The following NUP88 variants were observed in gnomAD, a reference collection of about 807,000 sequenced individuals.
NUP88 encodes the protein nucleoporin 88.
A neutral mutation model predicts 93.9 loss-of-function variants in NUP88; 57 were observed. The ratio of observed to expected loss-of-function variants is 0.61; its 90% confidence interval spans 0.49 to 0.76. The LOEUF (loss-of-function observed/expected upper bound fraction) is 0.76, where lower values mean the gene tolerates loss of function less well. Among genes scored for constraint, NUP88 ranks in the 30% least tolerant of loss-of-function variants. NUP88 has a pLI of 0.00. For synonymous variants in NUP88, 346 were observed against 336.8 expected, an observed-to-expected ratio of 1.03 and a Z score of -0.30; for missense variants, 911 against 901.0, an observed-to-expected ratio of 1.01 and a Z score of -0.14.
chr17:5,389,370 C>G (rs1912262612), intron 10 of NUP88, among the ~76,000 whole-genome samples: 1 of 152,224 alleles, frequency 6.6e-6, no homozygotes, highest in Non-Finnish European at 1.5e-5. Flanking sequence ...TATATAATTT[C>G]ATTTCTAAAA....
rs1052464370 is a variant in NUP88 at position 5,400,143 on chromosome 17, A to G, written c.1193-493T>C. On this transcript the variant is annotated intron_variant, in intron 7 of 16. Coordinates refer to ENST00000573584, the MANE Select transcript of NUP88 (RefSeq NM_002532.6). ...GGTTGCCACATCTTTCATTTGTTAA[A>G]AAAAAAAAAAAAAAGCACTGTGAAC... is the stretch of plus-strand genomic sequence containing the variant. Among the ~76,000 whole-genome samples the G allele has an allele frequency of 7.4e-5, 11 of 148,314 alleles. 1 individual carries two copies. The highest frequency in any genetic ancestry group is 2.2e-4 in the African/African-American group (9 of 40,434).
intron 16 of NUP88, 30 bp downstream of exon 16, chr17:5,386,678 G>C: frequency 1.4e-6 from 2 of 1,381,444 alleles, no homozygotes; most frequent in Non-Finnish European, 2.1e-6. Context: ...ACTATCTCAC[G>C]ATAATAGCTG....
intron 8 of NUP88, among the ~76,000 whole-genome samples, chr17:5,395,878 C>A (rs1376878924): frequency 1.3e-5 from 2 of 152,050 alleles, no homozygotes; most frequent in African/African-American, 4.8e-5. Context: ...TAAAGTATAC[C>A]CATTAAAGTA....
At position 5,388,789 on chromosome 17, in the gene NUP88, C is replaced by T; in HGVS notation, c.1643+13G>A. ...AACCCATTCATAAAACCGCTATGCC[C>T]AAGGTTGCATACTTCAAAAATGCTG... On this transcript the variant is annotated intron_variant, in intron 11 of 16. Transcript: ENST00000573584. 1 of 1,609,792 alleles carries T rather than the reference C, an allele frequency of 6.2e-7. No homozygotes were observed. Among genetic ancestry groups the T allele is most frequent in the Non-Finnish European group, 8.5e-7 (1 of 1,177,746 alleles).
chr17:5,386,713 T>C lies in NUP88; in HGVS notation c.2157A>G (p.Lys719=), dbSNP rs1071705. ...GATTGGAAGTATTTACTTACTCCTCTTTCAGGATGGACTGAATGCACTTTC... is the reference window on the plus strand; with the variant it reads ...GATTGGAAGTATTTACTTACTCCTCCTTCAGGATGGACTGAATGCACTTTC... ...YQRKCIQSIL[K]EEGEHIREMV... is the part of the protein sequence containing the mutation. The change falls in exon 16 of 17, where the codon AAA becomes AAG. Residue 719 remains lysine (K), a synonymous_variant. Coordinates refer to ENST00000573584, the MANE Select transcript of NUP88 (RefSeq NM_002532.6). 679,980 of 1,594,484 alleles carry C rather than the reference T, an allele frequency of 0.43. 153,299 individuals carry two copies. The highest frequency in any genetic ancestry group is 0.84 in the East Asian group (37,670 of 44,766).
At chr17:5,413,928 T>G in intron 3 of NUP88, 81 bp downstream of exon 3, 1 of 1,469,300 alleles carries the variant, frequency 6.8e-7, no homozygotes, top group Non-Finnish European at 9.4e-7. Context: ...ACTCACTTCG[T>G]TCTATGTTGA....
chr17:5,398,608 T>C (rs77113005), intron 8 of NUP88, among the ~76,000 whole-genome samples: 64,570 of 149,322 alleles, frequency 0.43, 14,559 homozygotes, highest in East Asian at 0.83. Context: ...TTTTTTTTTT[T>C]GAGACAGAGT....
rs376935585 is a variant in NUP88 at position 5,390,937 on chromosome 17, A to G, written c.1484+624T>C. ...TCTCGAACTCTGGGCCTCCCAAAGC[A>G]TTGGGATTACAGGCATGAACCACCA... is the stretch of plus-strand genomic sequence containing the variant. On this transcript the variant is annotated intron_variant, in intron 10 of 16. Coordinates refer to ENST00000573584, the MANE Select transcript of NUP88 (RefSeq NM_002532.6). 5.3e-5 allele frequency among the ~76,000 whole-genome samples: 8 copies of G among 152,184 alleles called. No homozygotes were observed. In the East Asian group the frequency reaches 1.5e-3, roughly 29 times the overall value.
chr17:5,388,132 C>A, intron 11 of NUP88: 1 of 330,510 alleles, frequency 3.0e-6, no homozygotes, highest in Non-Finnish European at 5.6e-6. Flanking sequence ...TCTCGAGTAG[C>A]TGGGATTACA....
At chr17:5,396,040 G>A (rs756155467) in intron 8 of NUP88, among the ~76,000 whole-genome samples, 3 of 151,892 alleles carry the variant, frequency 2.0e-5, no homozygotes, top group Admixed American at 6.6e-5. Context: ...GCGAGACGCC[G>A]TCTCTACTAA....
At chr17:5,416,968 T>C (rs1244517068) in intron 1 of NUP88, among the ~76,000 whole-genome samples, 2 of 150,652 alleles carry the variant, frequency 1.3e-5, no homozygotes, top group South Asian at 2.1e-4. Flanking sequence ...ACTACAGGTG[T>C]GCACCATCAC....
In NUP88 at chr17:5,400,589, T is replaced by C. The variant is rs577470248; in HGVS notation, c.1193-939A>G. On this transcript the variant is annotated intron_variant, in intron 7 of 16. Coordinates refer to ENST00000573584, the MANE Select transcript of NUP88 (RefSeq NM_002532.6). ...CAAAACATAAATACTTGCTGGCAAG[T>C]AACTCATTTATGCTTTTCTCTGTGC... 9.3e-4 allele frequency among the ~76,000 whole-genome samples: 142 copies of C among 152,172 alleles called. 4 individuals carry two copies. In the South Asian group the frequency reaches 0.028, roughly 30 times the overall value.
chr17:5,418,760 A>G (rs1404714181), intron 1 of NUP88, among the ~76,000 whole-genome samples: 1 of 152,238 alleles, frequency 6.6e-6, no homozygotes, highest in Non-Finnish European at 1.5e-5. Flanking sequence ...TATTACAAAT[A>G]AACATTTCCA....
intron 10 of NUP88, among the ~76,000 whole-genome samples, chr17:5,390,505 G>A (rs1056169841): frequency 6.6e-6 from 1 of 152,168 alleles, no homozygotes; most frequent in African/African-American, 2.4e-5. Context: ...TCAGCATCCA[G>A]AGGTGCAAGC....
Position 5,408,778 on chromosome 17 carries a change from T to C in NUP88, c.812A>G (p.Tyr271Cys), listed in dbSNP as rs1253842423. ...EVVAYPLYIL[Y>C]ENGETFLTYI... is the part of the protein sequence containing the mutation. ...TGTCAGGAAAGTCTCTCCATTTTCATATAAGATGTACAGTGGGTATGCCAC... is the reference window on the plus strand; with the variant it reads ...TGTCAGGAAAGTCTCTCCATTTTCACATAAGATGTACAGTGGGTATGCCAC... Residue 271 changes from tyrosine to cysteine, a missense_variant, in exon 5 of 17, where the codon TAT becomes TGT. Coordinates refer to ENST00000573584, the MANE Select transcript of NUP88 (RefSeq NM_002532.6). 1.9e-6 allele frequency: 3 copies of C among 1,613,048 alleles called. No homozygotes were observed. The highest frequency in any genetic ancestry group is 1.7e-6 in the Non-Finnish European group (2 of 1,179,680).
rs748330118 is a variant in NUP88 at position 5,386,690 on chromosome 17, T to C, written c.2162+18A>G. The C allele has an allele frequency of 2.1e-6, 3 of 1,435,314 alleles. No homozygotes were observed. Among genetic ancestry groups the C allele is most frequent in the African/African-American group, 1.4e-5 (1 of 71,526 alleles). The allele number at this position is 1,435,314 out of a possible 1,614,324, so 88.9% of individuals were successfully genotyped here. A position where few individuals can be genotyped will look rare whatever the true frequency, so the allele number is the denominator to read the frequency against. On this transcript the variant is annotated intron_variant, in intron 16 of 16. Coordinates refer to ENST00000573584, the MANE Select transcript of NUP88 (RefSeq NM_002532.6). ...AAAACTATCTCACGATAATAGCTGA[T>C]TGGAAGTATTTACTTACTCCTCTTT...
Position 5,387,595 on chromosome 17 carries a change from T to C in NUP88, c.1835+10A>G, listed in dbSNP as rs1391125250. The C allele has an allele frequency of 1.9e-6, 3 of 1,611,558 alleles. No individual in the cohort carries two copies. Among genetic ancestry groups the C allele is most frequent in the Admixed American group, 3.3e-5 (2 of 59,816 alleles). Reference sequence around the variant, plus strand: ...TGACCTATTGTATTCTTCTTATTTTTGACACTTACCTCTCTTCTCGACAAT... The same window carrying C: ...TGACCTATTGTATTCTTCTTATTTTCGACACTTACCTCTCTTCTCGACAAT... On this transcript the variant is annotated intron_variant, in intron 13 of 16. Coordinates refer to ENST00000573584, the MANE Select transcript of NUP88 (RefSeq NM_002532.6).
rs185017887 is a variant in NUP88, at chr17:5,397,454, C to G, written c.1291+2098G>C. Reference sequence around the variant, plus strand: ...AACAGAGTGATACAACATGAGGACTCAACCCAGCCCACTGTTGCTGGCTGC... The same window carrying G: ...AACAGAGTGATACAACATGAGGACTGAACCCAGCCCACTGTTGCTGGCTGC... On this transcript the variant is annotated intron_variant, in intron 8 of 16. Coordinates refer to ENST00000573584, the MANE Select transcript of NUP88 (RefSeq NM_002532.6). 6.7e-4 allele frequency among the ~76,000 whole-genome samples: 102 copies of G among 152,196 alleles called. 1 individual carries two copies. In the East Asian group the frequency reaches 0.015, roughly 22 times the overall value.
rs1459904856 is a variant in NUP88, at chr17:5,405,321, G to A, written c.858-78C>T. On this transcript the variant is annotated intron_variant, in intron 5 of 16. Transcript: ENST00000573584. ...TCCCATAAAACCATTCTTTGACTTT[G>A]TTTTCCTCCAGCTATCATACCTTCA... 6.3e-5 allele frequency: 79 copies of A among 1,247,544 alleles called. 1 individual carries two copies. The East Asian group carries it at 1.9e-3, about 30-fold the overall frequency. The allele number at this position is 1,247,544 out of a possible 1,614,324, so 77.3% of individuals were successfully genotyped here.
Sources: allele counts gnomAD v4.1 joint callset (sites outside exome capture counted in the v4.1 genomes callset), GRCh38; gene constraint gnomAD v4.1.1; transcripts MANE v1.5; gene names NCBI Gene and HGNC (gene_info 2026-07-23, HGNC 2026-07-21).